The following MYOF variants were observed in gnomAD, a reference collection of about 807,000 sequenced individuals.
The protein encoded by MYOF is myoferlin, also known as fer-1-like 3, myoferlin.
Under a neutral mutation model 284.2 loss-of-function variants are expected in MYOF, and 244 were observed. The observed-to-expected ratio is 0.86, with a 90% CI of 0.77 to 0.95. The LOEUF (loss-of-function observed/expected upper bound fraction) is 0.95. Ranked by LOEUF, MYOF falls within the 40% of genes least tolerant of loss-of-function variation. The pLI is 0.00. For missense variants in MYOF, 2,496 were observed against 2,560.6 expected (o/e 0.97, Z 0.54); for synonymous variants, 904 against 919.7 (o/e 0.98, Z 0.31).
At chr10:93,465,107 C>A (rs935196153) in intron 1 of MYOF, among the ~76,000 whole-genome samples, 2 of 152,196 alleles carry the variant, frequency 1.3e-5, no homozygotes, top group Non-Finnish European at 2.9e-5. Flanking sequence ...CAGATAAATT[C>A]TATTATGATC....
At chr10:93,377,282 G>A (rs770218633) in intron 22 of MYOF, 41 bp downstream of exon 22, 36 of 1,332,158 alleles carry the variant, frequency 2.7e-5, no homozygotes, top group African/African-American at 2.0e-4. Flanking sequence ...AGGGAGGAGC[G>A]CCTGGATGAA....
In MYOF at chr10:93,370,955, C is replaced by T. The variant is rs573409382; in HGVS notation, c.2458-1179G>A. On this transcript the variant is annotated intron_variant, in intron 24 of 53. Transcript: ENST00000359263. ...GGTGATGACAAAATTCCAGCTTTCA[C>T]GTAAAATAATAGAGTGTTGGAAAAC... Among the ~76,000 whole-genome samples, 13 of 152,002 alleles carry T rather than the reference C, an allele frequency of 8.6e-5. No homozygotes were observed. In the South Asian group the frequency reaches 1.5e-3, roughly 17 times the overall value.
At chr10:93,411,282 G>A (rs701876) in intron 5 of MYOF, among the ~76,000 whole-genome samples, 88,996 of 152,082 alleles carry the variant, frequency 0.59, 31,561 homozygotes, top group Non-Finnish European at 0.78. Context: ...TCAAGGCACC[G>A]GCGGATTCAG....
chr10:93,465,575 C>CACAATCTCG (rs1280814296), intron 1 of MYOF, among the ~76,000 whole-genome samples: 2 of 124,740 alleles, frequency 1.6e-5, no homozygotes, highest in Non-Finnish European at 3.1e-5. Flanking sequence ...AGTGCAGTGG[C>CACAATCTCG]ACAATCTCGG....
At chr10:93,453,297 C>G (rs2056646977) in intron 2 of MYOF, among the ~76,000 whole-genome samples, 2 of 152,162 alleles carry the variant, frequency 1.3e-5, no homozygotes, top group Non-Finnish European at 2.9e-5. Flanking sequence ...TCCCGAATAG[C>G]TGGGATTACA....
chr10:93,400,319 TC>T lies in MYOF; in HGVS notation c.1118-825del, dbSNP rs1847210820. Among the ~76,000 whole-genome samples the T allele has an allele frequency of 5.5e-5, 5 of 91,372 alleles. No individual in the cohort carries two copies. The South Asian group carries it at 1.6e-3, about 29-fold the overall frequency. The allele number at this position is 91,372 out of a possible 152,430, so 59.9% of individuals were successfully genotyped here. A position where few individuals can be genotyped will look rare whatever the true frequency, so the allele number is the denominator to read the frequency against. Reference sequence around the variant, plus strand: ...CTTATTTTATGTATTTCTTTCTTCTTCTTCTTCTTCTTTTTTTTTTTTTTAA... The same window carrying T: ...CTTATTTTATGTATTTCTTTCTTCTTTTCTTCTTCTTTTTTTTTTTTTTAA... On this transcript the variant is annotated intron_variant, in intron 12 of 53. Coordinates refer to ENST00000359263, the MANE Select transcript of MYOF (RefSeq NM_013451.4).
rs371075702 is a variant in MYOF, at chr10:93,364,063, C to T, written c.2766G>A (p.Glu922=). Residue 922 remains glutamate (E), a synonymous_variant, in exon 27 of 54, where the codon GAG becomes GAA. Coordinates refer to ENST00000359263, the MANE Select transcript of MYOF (RefSeq NM_013451.4). ...TGAACTCCGTGTGACCTGCATCTGC[C>T]TCAGTCAGCAAGCTGTGGGGCGGGG... ...IVDPERSLLT[E]ADAGHTEFTD... is the part of the protein sequence containing the mutation. 416 of 1,614,104 alleles carry T rather than the reference C, an allele frequency of 2.6e-4. 1 individual carries two copies. The African/African-American group carries it at 4.6e-3, about 18-fold the overall frequency.
In MYOF at chr10:93,463,078, G is replaced by A. The variant is rs563830109; in HGVS notation, c.89-6141C>T. On this transcript the variant is annotated intron_variant, in intron 1 of 53. Transcript: ENST00000359263. ...TTCTTCAGGACATTTCCTGTTTTCC[G>A]ATTAGCTACGCCTGCCTCTCACTCA... is the stretch of plus-strand genomic sequence containing the variant. Among the ~76,000 whole-genome samples, 7 of 152,260 alleles carry A rather than the reference G, an allele frequency of 4.6e-5. No individual in the cohort carries two copies. The East Asian group carries it at 5.8e-4, about 13-fold the overall frequency.
intron 5 of MYOF, among the ~76,000 whole-genome samples, chr10:93,415,766 G>A (rs553782744): frequency 2.6e-5 from 4 of 152,164 alleles, no homozygotes; most frequent in African/African-American, 9.7e-5. Context: ...TACTTAAGGA[G>A]TTTTGCCTCT....
At position 93,337,923 on chromosome 10, in the gene MYOF, T is replaced by G. The variant is rs1346685960; in HGVS notation, c.4339-10A>C. ...CCACGATTTCTTCCTCCTAAAGACA[T>G]GCCAAAATGGAAAAATCTTTAGTGA... On this transcript the variant is annotated splice_polypyrimidine_tract_variant and intron_variant, in intron 39 of 53. Coordinates refer to ENST00000359263, the MANE Select transcript of MYOF (RefSeq NM_013451.4). The G allele has an allele frequency of 1.2e-6, 2 of 1,602,770 alleles. No individual in the cohort carries two copies. The highest frequency in any genetic ancestry group is 1.7e-6 in the Non-Finnish European group (2 of 1,170,482).
intron 1 of MYOF, among the ~76,000 whole-genome samples, chr10:93,476,540 T>C (rs2057268654): frequency 6.6e-6 from 1 of 152,142 alleles, no homozygotes. Context: ...GATATATTCT[T>C]GGTGTTAATG....
intron 3 of MYOF, among the ~76,000 whole-genome samples, chr10:93,446,304 G>C (rs533638850): frequency 6.6e-6 from 1 of 152,152 alleles, no homozygotes; most frequent in Non-Finnish European, 1.5e-5. Flanking sequence ...CTGGCCATAG[G>C]GTCTGAAGTT....
chr10:93,347,776 G>A lies in MYOF; in HGVS notation c.4090C>T (p.Pro1364Ser). ...GGGGGCATGTACAATTCCTCCTTGG[G>A]CAAGAACTGGGGGTCACAAAGGTAG... ...SSVLFMKVFL[P>S]KEELYMPPLV... The change falls in exon 37 of 54, where the codon CCC (proline) becomes TCC (serine). Residue 1364 changes from proline (P) to serine (S), a missense_variant. This residue lies in a region of MYOF where 2,436 missense variants were observed against 2,480.7 expected (regional missense o/e 0.98). Coordinates refer to ENST00000359263, the MANE Select transcript of MYOF (RefSeq NM_013451.4). The A allele has an allele frequency of 6.2e-7, 1 of 1,610,194 alleles. No individual in the cohort carries two copies. The highest frequency in any genetic ancestry group is 1.1e-5 in the South Asian group (1 of 90,740).
chr10:93,414,794 A>G (rs1239063511), intron 5 of MYOF, among the ~76,000 whole-genome samples: 2 of 151,648 alleles, frequency 1.3e-5, no homozygotes, highest in Non-Finnish European at 2.9e-5. Context: ...TCCAGGCTGG[A>G]GTGTAGTGGT....
chr10:93,451,202 TG>T (rs2056580556), intron 3 of MYOF, among the ~76,000 whole-genome samples: 1 of 152,042 alleles, frequency 6.6e-6, no homozygotes, highest in African/African-American at 2.4e-5. Flanking sequence ...TAGCTGGGCG[TG>T]GTGGTGCACG....
At chr10:93,308,664 A>G (rs532006871) in intron 53 of MYOF, among the ~76,000 whole-genome samples, 1 of 152,128 alleles carries the variant, frequency 6.6e-6, no homozygotes, top group African/African-American at 2.4e-5. Flanking sequence ...AACTAGAAGT[A>G]CTATACTGGG....
chr10:93,471,036 G>A (rs1330708610), intron 1 of MYOF, among the ~76,000 whole-genome samples: 1 of 152,102 alleles, frequency 6.6e-6, no homozygotes, highest in Non-Finnish European at 1.5e-5. Context: ...TTTATAAGCT[G>A]CACTATTGAG....
intron 1 of MYOF, among the ~76,000 whole-genome samples, chr10:93,474,228 T>C (rs2057211093): frequency 6.6e-6 from 1 of 152,192 alleles, no homozygotes; most frequent in South Asian, 2.1e-4. Context: ...GTAAGCCTTC[T>C]TACTAGTCTC....
At chr10:93,415,623 C>G (rs1178452900) in intron 5 of MYOF, among the ~76,000 whole-genome samples, 2 of 152,204 alleles carry the variant, frequency 1.3e-5, no homozygotes, top group Non-Finnish European at 2.9e-5. Flanking sequence ...ATTTCCACAT[C>G]TTTCCAACTC....
Sources: gnomAD v4.1 joint callset for allele counts (sites outside exome capture counted in the v4.1 genomes callset) on GRCh38, gnomAD v4.1.1 for gene constraint, gnomAD v4.1.1 regional missense constraint, MANE v1.5 for transcripts, NCBI Gene and HGNC (gene_info 2026-07-23, HGNC 2026-07-21) for gene names.